Variants in TYW1 observed in about 807,000 individuals in gnomAD.
The protein encoded by TYW1 is tRNA-yW synthesizing protein 1 homolog.
A neutral mutation model predicts 96.2 loss-of-function variants in TYW1; 46 were observed. The ratio of observed to expected loss-of-function variants is 0.48; its 90% CI spans 0.38 to 0.61. TYW1 has a LOEUF of 0.61. Among genes scored for constraint, TYW1 ranks in the 20% least tolerant of loss-of-function variants. The pLI is 0.00. For synonymous variants in TYW1, 274 were observed against 323.0 expected, an observed-to-expected ratio of 0.85 and a Z score of 1.63; for missense variants, 684 against 909.6, an observed-to-expected ratio of 0.75 and a Z score of 3.19.
At chr7:67,236,842 T>C (rs1485828532) in intron 15 of TYW1, among the ~76,000 whole-genome samples, 1 of 152,058 alleles carries the variant, frequency 6.6e-6, no homozygotes, top group African/African-American at 2.4e-5. Flanking sequence ...TTTTTGTGGC[T>C]AGAACAGGAA....
intron 6 of TYW1, 73 bp from the exon 7 acceptor site, chr7:67,024,827 T>C: frequency 1.9e-6 from 3 of 1,539,056 alleles, no homozygotes; most frequent in Non-Finnish European, 2.6e-6. Flanking sequence ...GAATTCTCAG[T>C]GTGGGAGGGA....
chr7:67,119,427 C>A (rs1797696187), intron 13 of TYW1, among the ~76,000 whole-genome samples: 1 of 152,230 alleles, frequency 6.6e-6, no homozygotes, highest in South Asian at 2.1e-4. Context: ...CACCGTATTC[C>A]CCAGGAGGGC....
chr7:67,099,560 G>T lies in TYW1; in HGVS notation c.1562+842G>T, dbSNP rs138922565. Among the ~76,000 whole-genome samples the T allele has an allele frequency of 7.2e-5, 11 of 152,328 alleles. 1 individual carries two copies. The highest frequency in any genetic ancestry group is 1.0e-4 in the Non-Finnish European group (7 of 68,034). ...GACTTCAAATGCGGTCCTTTGGAAA[G>T]ATCTTGTTTCCTGCAGAGCAGTCTG... On this transcript the variant is annotated intron_variant, in intron 12 of 15. Transcript: ENST00000359626.
chr7:67,055,344 C>T, intron 8 of TYW1, among the ~76,000 whole-genome samples: 1 of 152,114 alleles, frequency 6.6e-6, no homozygotes, highest in Non-Finnish European at 1.5e-5. Context: ...CGCTTGTAAT[C>T]CCAGCACTTT....
intron 13 of TYW1, among the ~76,000 whole-genome samples, chr7:67,136,669 GTGTGTGTGTGTGTGTGTA>G (rs1211439659): frequency 6.7e-6 from 1 of 150,208 alleles, no homozygotes; most frequent in African/African-American, 2.5e-5. Flanking sequence ...GTGTGTGTGT[GTGTGTGTGTGTGTGTGTA>G]TATATATATA....
At chr7:67,004,061 AAAAAC>A (rs952500157) in intron 3 of TYW1, among the ~76,000 whole-genome samples, 2 of 145,552 alleles carry the variant, frequency 1.4e-5, no homozygotes, top group African/African-American at 5.5e-5. Flanking sequence ...ACAAAAAACA[AAAAAC>A]AAAAAAAACA....
chr7:67,048,513 A>G (rs1191612488), intron 7 of TYW1, among the ~76,000 whole-genome samples: 1 of 152,062 alleles, frequency 6.6e-6, no homozygotes, highest in Non-Finnish European at 1.5e-5. Context: ...GCCATTCCCA[A>G]AAAGATAGGG....
At chr7:67,088,501 T>C (rs1179593768) in intron 11 of TYW1, among the ~76,000 whole-genome samples, 1 of 152,240 alleles carries the variant, frequency 6.6e-6, no homozygotes, top group Non-Finnish European at 1.5e-5. Context: ...GACAGCATTA[T>C]AGAATTTTAG....
At chr7:67,184,914 A>C (rs3980778) in intron 14 of TYW1, among the ~76,000 whole-genome samples, 1 of 151,062 alleles carries the variant, frequency 6.6e-6, no homozygotes, top group East Asian at 2.0e-4. Flanking sequence ...CACCATGTTG[A>C]CCAGGCTGGT....
At chr7:67,148,725 C>G (rs868410072) in intron 13 of TYW1, among the ~76,000 whole-genome samples, 13 of 152,206 alleles carry the variant, frequency 8.5e-5, no homozygotes, top group South Asian at 2.1e-4. Context: ...GCCACTGTGC[C>G]CGGCTGTTGA....
At chr7:67,185,964 A>G (rs941094067) in intron 14 of TYW1, among the ~76,000 whole-genome samples, 1 of 143,950 alleles carries the variant, frequency 6.9e-6, no homozygotes, top group Non-Finnish European at 1.5e-5. Context: ...GTGGGAACAG[A>G]TGAAATACTG....
chr7:67,041,553 G>C (rs1235027229), intron 7 of TYW1, among the ~76,000 whole-genome samples: 3 of 152,160 alleles, frequency 2.0e-5, no homozygotes, highest in Non-Finnish European at 4.4e-5. Flanking sequence ...ACCTGCCTCA[G>C]CCTCTCGAAG....
At chr7:67,163,202 A>G (rs1046925720) in intron 13 of TYW1, among the ~76,000 whole-genome samples, 2 of 152,132 alleles carry the variant, frequency 1.3e-5, no homozygotes, top group African/African-American at 2.4e-5. Flanking sequence ...CCCAACCTCC[A>G]AAGGATGAGG....
chr7:67,193,483 G>A (rs1468736366), intron 14 of TYW1, among the ~76,000 whole-genome samples: 3 of 152,174 alleles, frequency 2.0e-5, no homozygotes, highest in South Asian at 2.1e-4. Context: ...GTGTTGGCCA[G>A]GCGTGTTGGC....
intron 3 of TYW1, among the ~76,000 whole-genome samples, chr7:67,002,348 C>CTAGGATTACAGCA (rs1554343759): frequency 7.2e-6 from 1 of 139,368 alleles, no homozygotes; most frequent in African/African-American, 2.5e-5. Flanking sequence ...CAATATTGGG[C>CTAGGATTACAGCA]TAGGATTACA....
chr7:67,080,385 A>G (rs534531122), intron 10 of TYW1, among the ~76,000 whole-genome samples: 1 of 149,548 alleles, frequency 6.7e-6, no homozygotes, highest in East Asian at 2.0e-4. Flanking sequence ...TTATACAAGG[A>G]TAGCTACTCT....
At chr7:67,235,192 G>A (rs1049928012) in intron 15 of TYW1, among the ~76,000 whole-genome samples, 3 of 152,290 alleles carry the variant, frequency 2.0e-5, no homozygotes, top group African/African-American at 4.8e-5. Context: ...TCCCCAAAGA[G>A]ACTCCTCTAC....
Position 67,113,425 on chromosome 7 carries a change from G to C in TYW1, c.1563-4058G>C, listed in dbSNP as rs1797487343. 2.0e-5 allele frequency among the ~76,000 whole-genome samples: 3 copies of C among 152,134 alleles called. No individual in the cohort carries two copies. The South Asian group carries it at 6.2e-4, about 32-fold the overall frequency. On this transcript the variant is annotated intron_variant, in intron 12 of 15. Coordinates refer to ENST00000359626, the MANE Select transcript of TYW1 (RefSeq NM_018264.4). ...GGCTTCTCTTAGGACTTTGCAGTCAGAATCTGCATTTCACAGATCATCCGT... is the reference window on the plus strand; with the variant it reads ...GGCTTCTCTTAGGACTTTGCAGTCACAATCTGCATTTCACAGATCATCCGT...
At chr7:67,048,607 C>A (rs1302370487) in intron 7 of TYW1, among the ~76,000 whole-genome samples, 1 of 152,140 alleles carries the variant, frequency 6.6e-6, no homozygotes, top group African/African-American at 2.4e-5. Context: ...GTCATCTTGT[C>A]ATATCAAGCC....
Sources: gnomAD v4.1 joint callset for allele counts (sites outside exome capture counted in the v4.1 genomes callset) on GRCh38, gnomAD v4.1.1 for gene constraint, MANE v1.5 for transcripts, NCBI Gene and HGNC (gene_info 2026-07-23, HGNC 2026-07-21) for gene names.